SH3GL1: variants seen among roughly 807,000 people sequenced by gnomAD.
SH3GL1 encodes SH3 domain containing GRB2 like 1, endophilin A2.
In SH3GL1, 21 loss-of-function variants were observed where a neutral mutation model predicts 48.8. That is an observed-to-expected ratio of 0.43 (90% CI 0.30 to 0.62). The LOEUF (loss-of-function observed/expected upper bound fraction) is 0.62. Ranked by LOEUF, SH3GL1 falls within the 20% of genes least tolerant of loss-of-function variation. SH3GL1 has a pLI of 0.11. For missense variants in SH3GL1, 454 were observed against 503.0 expected, an observed-to-expected ratio of 0.90 and a Z score of 0.93; for synonymous variants, 282 against 217.5, an observed-to-expected ratio of 1.30 and a Z score of -2.61.
chr19:4,378,001 C>T (rs1034765486), intron 1 of SH3GL1, among the ~76,000 whole-genome samples: 9 of 152,186 alleles, frequency 5.9e-5, no homozygotes, highest in Non-Finnish European at 1.2e-4. Context: ...GGACACCACT[C>T]GGGACAGGCT....
chr19:4,396,515 C>T lies in SH3GL1; in HGVS notation c.45+3809G>A, dbSNP rs560233543. On this transcript the variant is annotated intron_variant, in intron 1 of 9. Coordinates refer to ENST00000269886, the MANE Select transcript of SH3GL1 (RefSeq NM_003025.4). ...TTTTTTTTTTTTTGAGACGAAGTCT[C>T]GCTCTCATCCACCAGGCTGGAGTGC... Among the ~76,000 whole-genome samples the T allele has an allele frequency of 4.6e-5, 7 of 151,588 alleles. No homozygotes were observed. In the East Asian group the frequency reaches 1.2e-3, roughly 25 times the overall value.
In SH3GL1 at chr19:4,400,032, C is replaced by A. The variant is rs1177629277; in HGVS notation, c.45+292G>T. Among the ~76,000 whole-genome samples, 1 of 152,196 alleles carries A rather than the reference C, an allele frequency of 6.6e-6. No homozygotes were observed. Among genetic ancestry groups the A allele is most frequent in the East Asian group, 1.9e-4 (1 of 5,168 alleles). ...TCTCTTCCCCTTCTCTCCCCGCACC[C>A]CGCCTTTGCAGCGGAGAGAAGGAGG... is the stretch of plus-strand genomic sequence containing the variant. On this transcript the variant is annotated intron_variant, in intron 1 of 9. Transcript: ENST00000269886. This position sits in a 1 kb window ranked among gnomAD's most constrained non-coding sequence, Gnocchi z 4.1.
In SH3GL1 at chr19:4,400,087, G is replaced by A. The variant is rs1375948880; in HGVS notation, c.45+237C>T. 6.6e-6 allele frequency among the ~76,000 whole-genome samples: 1 copy of A among 152,110 alleles called. No individual in the cohort carries two copies. Among genetic ancestry groups the A allele is most frequent in the Non-Finnish European group, 1.5e-5 (1 of 67,986 alleles). On this transcript the variant is annotated intron_variant, in intron 1 of 9. Coordinates refer to ENST00000269886, the MANE Select transcript of SH3GL1 (RefSeq NM_003025.4). This position sits in a 1 kb window ranked among gnomAD's most constrained non-coding sequence, Gnocchi z 4.1. ...AGGTCCGCGTCCCTGGGCAGCCCAG[G>A]GTGCCTCTCCCCTCCTCCCAGGGGC...
At chr19:4,373,212 G>A (rs1247645027) in intron 1 of SH3GL1, among the ~76,000 whole-genome samples, 1 of 152,214 alleles carries the variant, frequency 6.6e-6, no homozygotes, top group African/African-American at 2.4e-5. Context: ...CGAGGAATCA[G>A]ACGGCAGAAA....
chr19:4,386,227 C>G (rs1246631986), intron 1 of SH3GL1, among the ~76,000 whole-genome samples: 1 of 152,174 alleles, frequency 6.6e-6, no homozygotes, highest in Non-Finnish European at 1.5e-5. Context: ...CTGCCTGAGT[C>G]AGCTGTGGGG....
chr19:4,384,965 G>A (rs1973208103), intron 1 of SH3GL1, among the ~76,000 whole-genome samples: 1 of 152,122 alleles, frequency 6.6e-6, no homozygotes, highest in Non-Finnish European at 1.5e-5. Context: ...TTATCCGGGT[G>A]TGGTGGTTGG....
At position 4,362,744 on chromosome 19, in the gene SH3GL1, G is replaced by A. The variant is rs373590189; in HGVS notation, c.729-8C>T. On this transcript the variant is annotated splice_region_variant and splice_polypyrimidine_tract_variant and intron_variant, in intron 7 of 9. Coordinates refer to ENST00000269886, the MANE Select transcript of SH3GL1 (RefSeq NM_003025.4). ...GAGGAAGCTTCCCGCATCCTGTGAA[G>A]GGAGAGGCGTGAGTGGACCGAGCCC... 2.5e-6 allele frequency: 4 copies of A among 1,613,824 alleles called. No individual in the cohort carries two copies. The highest frequency in any genetic ancestry group is 2.2e-5 in the East Asian group (1 of 44,890).
intron 8 of SH3GL1, 50 bp from the exon 9 acceptor site, chr19:4,362,435 G>A (rs375585066): frequency 2.7e-5 from 43 of 1,587,066 alleles, no homozygotes; most frequent in Non-Finnish European, 3.7e-5. Flanking sequence ...GGTCGGGCAG[G>A]GCCCCTTCTG....
chr19:4,400,263 G>A lies in SH3GL1; in HGVS notation c.45+61C>T, dbSNP rs1469164385. On this transcript the variant is annotated intron_variant, in intron 1 of 9. Coordinates refer to ENST00000269886, the MANE Select transcript of SH3GL1 (RefSeq NM_003025.4). The surrounding 1 kb of genome is among the most constrained non-coding windows in gnomAD (Gnocchi z 4.1). ...CCCCCTCCCGGGCCAGGTCGGGCCT[G>A]GCTCCCTCATCCGGGCAGCCCGGGG... is the stretch of plus-strand genomic sequence containing the variant. The A allele has an allele frequency of 1.3e-6, 2 of 1,557,212 alleles. No homozygotes were observed. Among genetic ancestry groups the A allele is most frequent in the East Asian group, 4.9e-5 (2 of 40,496 alleles).
chr19:4,382,764 G>T lies in SH3GL1; in HGVS notation c.46-15770C>A, dbSNP rs376623555. Among the ~76,000 whole-genome samples, 34 of 152,258 alleles carry T rather than the reference G, an allele frequency of 2.2e-4. No individual in the cohort carries two copies. In the South Asian group the frequency reaches 5.4e-3, roughly 24 times the overall value. ...TTGCCACAGGAGCTCATCACTTCTC[G>T]TTATTCGTGGCAGCTCTGTTCTAGA... On this transcript the variant is annotated intron_variant, in intron 1 of 9. Coordinates refer to ENST00000269886, the MANE Select transcript of SH3GL1 (RefSeq NM_003025.4).
intron 1 of SH3GL1, among the ~76,000 whole-genome samples, chr19:4,373,066 G>C (rs991362271): frequency 6.6e-6 from 1 of 152,198 alleles, no homozygotes; most frequent in Non-Finnish European, 1.5e-5. Flanking sequence ...TGAAAAGCAG[G>C]AGTAGTCATT....
intron 8 of SH3GL1, 113 bp from the exon 9 acceptor site, chr19:4,362,498 C>A (rs192183396): frequency 6.4e-7 from 1 of 1,573,700 alleles, no homozygotes; most frequent in Non-Finnish European, 8.6e-7. Context: ...AGATGGAGCA[C>A]GGCTGAGAGC....
At position 4,400,175 on chromosome 19, in the gene SH3GL1, C is replaced by T; in HGVS notation, c.45+149G>A. 2 of 825,072 alleles carry T rather than the reference C, an allele frequency of 2.4e-6. No homozygotes were observed. The highest frequency in any genetic ancestry group is 3.6e-6 in the Non-Finnish European group (2 of 559,852). The allele number at this position is 825,072 out of a possible 1,614,324, so 51.1% of individuals were successfully genotyped here. On this transcript the variant is annotated intron_variant, in intron 1 of 9. Coordinates refer to ENST00000269886, the MANE Select transcript of SH3GL1 (RefSeq NM_003025.4). This position sits in a 1 kb window ranked among gnomAD's most constrained non-coding sequence, Gnocchi z 4.1. ...CCTGGGCCACCTCGTCGCCCCCGTC[C>T]GTCCCTTGGTCTTCCCACCTGGCAG...
rs1004503375 is a variant in SH3GL1, at chr19:4,400,518, C to T, written c.-150G>A. On this transcript the variant is annotated 5_prime_UTR_variant, in exon 1 of 10. Transcript: ENST00000269886. The surrounding 1 kb of genome is among the most constrained non-coding windows in gnomAD (Gnocchi z 4.1). ...CGCGCCCGCCCCGGCGCCGCCTCAG[C>T]CGCTCGCGCGCCCGCGCGGCCAGGA... 1.5e-5 allele frequency: 8 copies of T among 517,178 alleles called. No homozygotes were observed. The highest frequency in any genetic ancestry group is 4.2e-5 in the African/African-American group (2 of 47,848). 32.0% of individuals were successfully genotyped at this position (517,178 alleles called of 1,614,324 possible).
rs560301310 is a variant in SH3GL1, at chr19:4,364,025, G to C, written c.465+63C>G. 7 of 1,608,022 alleles carry C rather than the reference G, an allele frequency of 4.4e-6. No homozygotes were observed. In the East Asian group the frequency reaches 1.6e-4, roughly 36 times the overall value. On this transcript the variant is annotated intron_variant, in intron 5 of 9. Coordinates refer to ENST00000269886, the MANE Select transcript of SH3GL1 (RefSeq NM_003025.4). The stretch of plus-strand genomic sequence containing the variant: ...CCGAGGCTGGAGGTGAGGGTGGCAG[G>C]AATGGGGCTGCCCCATCCGGCAGGG...
intron 1 of SH3GL1, among the ~76,000 whole-genome samples, chr19:4,378,635 A>G (rs1221237465): frequency 6.6e-6 from 1 of 152,112 alleles, no homozygotes; most frequent in African/African-American, 2.4e-5. Flanking sequence ...GAATCGCTTG[A>G]ACCCGGGAGG....
chr19:4,372,949 C>T lies in SH3GL1; in HGVS notation c.46-5955G>A, dbSNP rs920336997. Reference sequence around the variant, plus strand: ...AAAGCTCGCCTATCTACAGGGGCGGCGCTGGCTGCAGGCAGCTCTGAGCTT... The same window carrying T: ...AAAGCTCGCCTATCTACAGGGGCGGTGCTGGCTGCAGGCAGCTCTGAGCTT... On this transcript the variant is annotated intron_variant, in intron 1 of 9. Transcript: ENST00000269886. Among the ~76,000 whole-genome samples, 11 of 152,354 alleles carry T rather than the reference C, an allele frequency of 7.2e-5. No individual in the cohort carries two copies. The East Asian group carries it at 2.1e-3, about 29-fold the overall frequency.
Position 4,366,305 on chromosome 19 carries a change from G to A in SH3GL1, c.187+196C>T, listed in dbSNP as rs574185727. ...AGGAACCAGTCGGCATGAGAGTGAAGCCAACAGAGGGGCTGAGCTGCTGGT... is the reference window on the plus strand; with the variant it reads ...AGGAACCAGTCGGCATGAGAGTGAAACCAACAGAGGGGCTGAGCTGCTGGT... On this transcript the variant is annotated intron_variant, in intron 3 of 9. Coordinates refer to ENST00000269886, the MANE Select transcript of SH3GL1 (RefSeq NM_003025.4). Among the ~76,000 whole-genome samples, 8 of 152,296 alleles carry A rather than the reference G, an allele frequency of 5.3e-5. No individual in the cohort carries two copies. In the South Asian group the frequency reaches 1.2e-3, roughly 24 times the overall value.
At chr19:4,363,519 C>G (rs966560898) in intron 6 of SH3GL1, 46 bp from the exon 7 acceptor site, 3 of 1,563,528 alleles carry the variant, frequency 1.9e-6, no homozygotes, top group Non-Finnish European at 2.6e-6. Context: ...TGCCACTGTC[C>G]TGTGCCTTCC....
Sources: gnomAD v4.1 joint callset for allele counts (sites outside exome capture counted in the v4.1 genomes callset) on GRCh38, gnomAD v4.1.1 for gene constraint, Gnocchi (gnomAD v3.1) non-coding constraint, MANE v1.5 for transcripts, NCBI Gene and HGNC (gene_info 2026-07-23, HGNC 2026-07-21) for gene names.